Variants in CDKAL1 observed in about 807,000 individuals in gnomAD.
The protein encoded by CDKAL1 is threonylcarbamoyladenosine tRNA methylthiotransferase.
A neutral mutation model predicts 68.2 loss-of-function variants in CDKAL1; 32 were observed. The observed-to-expected ratio is 0.47, with a 90% CI of 0.35 to 0.63. The LOEUF is 0.63. Among genes scored for constraint, CDKAL1 ranks in the 30% least tolerant of loss-of-function variants. CDKAL1 has a pLI of 0.00. For missense variants in CDKAL1, 606 were observed against 696.7 expected, an observed-to-expected ratio of 0.87 and a Z score of 1.47; for synonymous variants, 234 against 244.3, an observed-to-expected ratio of 0.96 and a Z score of 0.39.
At chr6:20,830,689 C>T (rs958370047) in intron 8 of CDKAL1, among the ~76,000 whole-genome samples, 3 of 152,112 alleles carry the variant, frequency 2.0e-5, no homozygotes. Context: ...TACACCTCTC[C>T]TTCCCTCCTT....
intron 12 of CDKAL1, among the ~76,000 whole-genome samples, chr6:21,076,106 A>G (rs1772057900): frequency 6.6e-6 from 1 of 152,254 alleles, no homozygotes; most frequent in South Asian, 2.1e-4. Context: ...TTAAGAAAGA[A>G]TGTAAGGGAG....
intron 4 of CDKAL1, among the ~76,000 whole-genome samples, chr6:20,586,364 AGGGTGGCTCAC>A (rs1765355400): frequency 6.6e-6 from 1 of 152,188 alleles, no homozygotes; most frequent in African/African-American, 2.4e-5. Flanking sequence ...GGCCAGGCAC[AGGGTGGCTCAC>A]TCATGTAATC....
At chr6:20,624,384 C>G (rs1048235193) in intron 4 of CDKAL1, among the ~76,000 whole-genome samples, 1 of 151,922 alleles carries the variant, frequency 6.6e-6, no homozygotes, top group Admixed American at 6.6e-5. Flanking sequence ...TTTTTTCCCC[C>G]CTTTCTGTGC....
At chr6:20,756,917 T>TTCCCTCCCTCCTTCCCTTCCTTCCC (rs1561750773) in intron 6 of CDKAL1, 1 of 81,772 alleles carries the variant, frequency 1.2e-5, no homozygotes, top group Non-Finnish European at 2.6e-5. Flanking sequence ...CCTTCCTTCC[T>TTCCCTCCCTCCTTCCCTTCCTTCCC]TCCTTCCCTC....
At position 20,955,417 on chromosome 6, in the gene CDKAL1, A is replaced by G. The variant is rs778057902; in HGVS notation, c.743-2A>G. On this transcript the variant is annotated splice_acceptor_variant, in intron 9 of 15. Transcript: ENST00000274695. LOFTEE classifies it high-confidence loss of function. ...TTGTTAATTATCTCTTTTGATTCAC[A>G]GAGGGTGTTTGTGAGATATGGTTGA... 6.2e-7 allele frequency: 1 copy of G among 1,614,012 alleles called. No homozygotes were observed. Among genetic ancestry groups the G allele is most frequent in the South Asian group, 1.1e-5 (1 of 91,026 alleles).
At chr6:20,558,447 C>T in intron 4 of CDKAL1, 1 of 435,658 alleles carries the variant, frequency 2.3e-6, no homozygotes. Context: ...GATTTCTGGG[C>T]ACATGGCAGT....
chr6:20,880,049 G>A (rs9350297), intron 9 of CDKAL1, among the ~76,000 whole-genome samples: 82,851 of 151,900 alleles, frequency 0.55, 22,901 homozygotes, highest in African/African-American at 0.59. Context: ...AACTTTTTAT[G>A]AACAAATTCT....
In CDKAL1 at chr6:20,744,783, TCTCA is replaced by T. The variant is rs530174310; in HGVS notation, c.468+5172_468+5175del. Among the ~76,000 whole-genome samples, 23 of 152,338 alleles carry T rather than the reference TCTCA, an allele frequency of 1.5e-4. No individual in the cohort carries two copies. In the South Asian group the frequency reaches 4.6e-3, roughly 30 times the overall value. On this transcript the variant is annotated intron_variant, in intron 6 of 15. Transcript: ENST00000274695. ...AACAACATTTATTAGGAAGTTAGGC[TCTCA>T]CTCTATTACTAGAAAGTGTGTTTAT...
chr6:21,146,387 G>T (rs1776168919), intron 13 of CDKAL1, among the ~76,000 whole-genome samples: 1 of 152,144 alleles, frequency 6.6e-6, no homozygotes, highest in Non-Finnish European at 1.5e-5. Flanking sequence ...GGGTGTTTTT[G>T]ATTTCTGACC....
intron 7 of CDKAL1, among the ~76,000 whole-genome samples, chr6:20,778,796 CT>C (rs200067190): frequency 2.6e-5 from 4 of 151,226 alleles, no homozygotes; most frequent in Admixed American, 2.6e-4. Flanking sequence ...CACTTTTAGC[CT>C]TTTTTTTTAA....
intron 4 of CDKAL1, among the ~76,000 whole-genome samples, chr6:20,597,070 C>A (rs1765861038): frequency 1.3e-5 from 2 of 151,752 alleles, no homozygotes; most frequent in African/African-American, 4.8e-5. Flanking sequence ...AGCTGCAGAC[C>A]AGAGCTGTTC....
intron 4 of CDKAL1, among the ~76,000 whole-genome samples, chr6:20,646,048 A>ATTTTTTTTT (rs1171622769): frequency 1.5e-4 from 13 of 87,360 alleles, no homozygotes; most frequent in Non-Finnish European, 1.8e-4. Context: ...TCACGGTTAA[A>ATTTTTTTTT]TTTTTTTTTT....
At position 20,955,604 on chromosome 6, in the gene CDKAL1, T is replaced by G. The variant is rs1190190156; in HGVS notation, c.909+19T>G. ...TCTGGAGGTAAGGAAAAGCACCCTA[T>G]TTGCATGCTAACATAGACACTAACC... is the stretch of plus-strand genomic sequence containing the variant. On this transcript the variant is annotated intron_variant, in intron 10 of 15. Coordinates refer to ENST00000274695, the MANE Select transcript of CDKAL1 (RefSeq NM_017774.3). The G allele has an allele frequency of 1.9e-6, 3 of 1,611,886 alleles. No individual in the cohort carries two copies. The African/African-American group carries it at 4.0e-5, about 22-fold the overall frequency.
rs527606813 is a variant in CDKAL1, at chr6:20,539,710, T to G, written c.-6+4316T>G. ...TGGGGCCAGAGATGCAGCAGGAGGC[T>G]GATTATATATGTCATTGCAGATCTT... On this transcript the variant is annotated intron_variant, in intron 2 of 15. Transcript: ENST00000274695. The surrounding 1 kb of genome is among the most constrained non-coding windows in gnomAD (Gnocchi z 4.3). 3.0e-4 allele frequency among the ~76,000 whole-genome samples: 46 copies of G among 152,290 alleles called. No individual in the cohort carries two copies. The highest frequency in any genetic ancestry group is 8.2e-4 in the African/African-American group (34 of 41,570).
chr6:20,971,689 G>T (rs1765612354), intron 10 of CDKAL1, among the ~76,000 whole-genome samples: 1 of 152,080 alleles, frequency 6.6e-6, no homozygotes. Context: ...GTATTGAAGT[G>T]TTTACAGAAG....
intron 5 of CDKAL1, among the ~76,000 whole-genome samples, chr6:20,716,999 C>G (rs1049613563): frequency 3.8e-4 from 58 of 152,072 alleles, no homozygotes; most frequent in African/African-American, 1.3e-3. Flanking sequence ...GAGGAGTGAT[C>G]AGCTGTGTAA....
At chr6:20,624,912 T>C (rs1160373631) in intron 4 of CDKAL1, among the ~76,000 whole-genome samples, 1 of 152,148 alleles carries the variant, frequency 6.6e-6, no homozygotes, top group Non-Finnish European at 1.5e-5. Flanking sequence ...AGCAAAATTC[T>C]GTCTGTAAGG....
intron 8 of CDKAL1, among the ~76,000 whole-genome samples, chr6:20,786,362 T>A (rs568274475): frequency 5.3e-5 from 8 of 152,322 alleles, no homozygotes; most frequent in East Asian, 3.9e-4. Flanking sequence ...TAGAATTTTT[T>A]AAAAAGTCAA....
chr6:20,959,175 C>CAGACAAGTAGTG (rs1410582510), intron 10 of CDKAL1, among the ~76,000 whole-genome samples: 1 of 152,076 alleles, frequency 6.6e-6, no homozygotes, highest in Admixed American at 6.5e-5. Flanking sequence ...CACTCATAGG[C>CAGACAAGTAGTG]AGACAAGTAG....
Sources: gnomAD v4.1 joint callset for allele counts (sites outside exome capture counted in the v4.1 genomes callset) on GRCh38, gnomAD v4.1.1 for gene constraint, Gnocchi (gnomAD v3.1) non-coding constraint, MANE v1.5 for transcripts, NCBI Gene and HGNC (gene_info 2026-07-23, HGNC 2026-07-21) for gene names.